Variants in TAF3 observed in about 807,000 individuals in gnomAD.
TAF3 encodes TATA-box binding protein associated factor 3, also known as transcription initiation factor TFIID subunit 3.
In TAF3, 7 loss-of-function variants were observed where a neutral mutation model predicts 80.6. The observed-to-expected ratio is 0.09, with a 90% CI of 0.05 to 0.16. The LOEUF (loss-of-function observed/expected upper bound fraction) is 0.16. TAF3 is among the 10% of genes least tolerant of loss of function. TAF3 has a pLI of 1.00. For synonymous variants in TAF3, 444 were observed against 446.1 expected (o/e 1.00, Z 0.06); for missense variants, 921 against 1,140.2 (o/e 0.81, Z 2.77).
In TAF3 at chr10:7,994,618, G is replaced by A. The variant is rs531925319; in HGVS notation, c.2316-14460G>A. ...CCCACCTCAGCCTCCCAAAGTGCTG[G>A]GATTACAGACTGAACCACTGCGCCC... On this transcript the variant is annotated intron_variant, in intron 4 of 6. Transcript: ENST00000344293. 3.9e-5 allele frequency among the ~76,000 whole-genome samples: 6 copies of A among 151,988 alleles called. No individual in the cohort carries two copies. The East Asian group carries it at 1.2e-3, about 30-fold the overall frequency.
At position 7,965,107 on chromosome 10, in the gene TAF3, A is replaced by G; in HGVS notation, c.1597A>G (p.Met533Val). The G allele has an allele frequency of 6.2e-7, 1 of 1,613,886 alleles. No homozygotes were observed. Among genetic ancestry groups the G allele is most frequent in the Non-Finnish European group, 8.5e-7 (1 of 1,179,942 alleles). Residue 533 changes from methionine to valine, a missense_variant, in exon 3 of 7, where the codon ATG becomes GTG. Around this residue, in one of 6 missense-constraint regions of TAF3, gnomAD observed 743 missense variants for 821.0 expected, o/e 0.90. Transcript: ENST00000344293. ...KKLKKELKTKMKKKEKQRDRE... is the reference protein window; with the variant it reads ...KKLKKELKTKVKKKEKQRDRE... ...GTTGAAAAAGGAACTAAAGACTAAAATGAAAAAGAAAGAAAAGCAGAGAGA... is the reference window on the plus strand; with the variant it reads ...GTTGAAAAAGGAACTAAAGACTAAAGTGAAAAAGAAAGAAAAGCAGAGAGA...
chr10:7,920,666 G>A (rs542948797), intron 2 of TAF3, among the ~76,000 whole-genome samples: 20 of 152,128 alleles, frequency 1.3e-4, no homozygotes, highest in Non-Finnish European at 2.9e-4. Flanking sequence ...CATTTTAAAA[G>A]TCAGAATTGA....
intron 3 of TAF3, among the ~76,000 whole-genome samples, chr10:7,966,627 T>C (rs1831573984): frequency 6.6e-6 from 1 of 152,178 alleles, no homozygotes; most frequent in South Asian, 2.1e-4. Context: ...TGATGATCCT[T>C]TCCCTGCCCT....
intron 4 of TAF3, among the ~76,000 whole-genome samples, chr10:7,980,123 T>C (rs1329760245): frequency 2.6e-5 from 4 of 152,058 alleles, no homozygotes; most frequent in Non-Finnish European, 4.4e-5. Context: ...GGGGGAATAA[T>C]ACTCTTTTGA....
intron 2 of TAF3, among the ~76,000 whole-genome samples, chr10:7,859,104 T>C (rs1837116257): frequency 1.3e-5 from 2 of 151,564 alleles, no homozygotes; most frequent in Non-Finnish European, 2.9e-5. Context: ...CTACTAAAAA[T>C]ACAAAAAATT....
At position 7,964,858 on chromosome 10, in the gene TAF3, C is replaced by G; in HGVS notation, c.1348C>G (p.Pro450Ala). Residue 450 changes from proline (P) to alanine (A), a missense_variant, in exon 3 of 7, where the codon CCT (proline) becomes GCT (alanine). Pro to Ala is a conservative substitution (Grantham distance 27, BLOSUM62 -1). Around this residue, in one of 6 missense-constraint regions of TAF3, gnomAD observed 743 missense variants for 821.0 expected, o/e 0.90. Transcript: ENST00000344293. This position sits in a 1 kb window ranked among gnomAD's most constrained non-coding sequence, Gnocchi z 4.1. ...ANNFTKSGST[P>A]LPLSGGTSSS... Reference sequence around the variant, plus strand: ...CAATTTCACAAAGTCAGGATCCACTCCTCTGCCTCTTTCCGGTGGAACCTC... The same window carrying G: ...CAATTTCACAAAGTCAGGATCCACTGCTCTGCCTCTTTCCGGTGGAACCTC... 6.2e-7 allele frequency: 1 copy of G among 1,614,202 alleles called. No homozygotes were observed. Among genetic ancestry groups the G allele is most frequent in the East Asian group, 2.2e-5 (1 of 44,890 alleles).
intron 2 of TAF3, among the ~76,000 whole-genome samples, chr10:7,929,830 A>C (rs958592513): frequency 6.6e-6 from 1 of 152,176 alleles, no homozygotes; most frequent in African/African-American, 2.4e-5. Flanking sequence ...GGAAAAAAAA[A>C]ATGTCCAGGC....
rs1415642450 is a variant in TAF3 at position 7,840,399 on chromosome 10, G to A, written c.409+15839G>A. Among the ~76,000 whole-genome samples the A allele has an allele frequency of 6.6e-5, 10 of 151,758 alleles. No homozygotes were observed. The South Asian group carries it at 1.0e-3, about 16-fold the overall frequency. On this transcript the variant is annotated intron_variant, in intron 2 of 6. Coordinates refer to ENST00000344293, the MANE Select transcript of TAF3 (RefSeq NM_031923.4). ...GATCTCCTGACCTTGTGATCCGCCC[G>A]CCTCGGCCTCCCAAAGTGCTGGGAT...
chr10:8,006,034 T>A (rs983983311), intron 4 of TAF3, among the ~76,000 whole-genome samples: 27 of 152,250 alleles, frequency 1.8e-4, no homozygotes, highest in African/African-American at 6.3e-4. Context: ...GTGGTCATTA[T>A]GAAAAACAAA....
At chr10:7,917,142 C>T (rs1165269069) in intron 2 of TAF3, among the ~76,000 whole-genome samples, 1 of 152,156 alleles carries the variant, frequency 6.6e-6, no homozygotes, top group Non-Finnish European at 1.5e-5. Flanking sequence ...GTAGTGCCAC[C>T]CACATTTTAG....
intron 4 of TAF3, among the ~76,000 whole-genome samples, chr10:7,994,992 A>G (rs999207269): frequency 2.0e-5 from 3 of 151,186 alleles, no homozygotes; most frequent in African/African-American, 4.8e-5. Context: ...AAAAAAAAAA[A>G]AAAGAAAAAA....
chr10:7,914,897 CACCTCAT>C (rs1837693869), intron 2 of TAF3, among the ~76,000 whole-genome samples: 1 of 149,550 alleles, frequency 6.7e-6, no homozygotes, highest in South Asian at 2.1e-4. Flanking sequence ...GTGCCTGCCA[CACCTCAT>C]GCCCCTGAAA....
intron 2 of TAF3, among the ~76,000 whole-genome samples, chr10:7,934,459 A>T (rs914607): frequency 0.9 from 136,363 of 152,118 alleles, 61,252 homozygotes; most frequent in East Asian, 0.99. Context: ...TTATTTATTT[A>T]TTTGAGACAG....
intron 2 of TAF3, among the ~76,000 whole-genome samples, chr10:7,851,955 CTTAATT>C (rs2131126335): frequency 6.7e-6 from 1 of 148,602 alleles, no homozygotes; most frequent in African/African-American, 2.5e-5. Context: ...TTTTTTTTTT[CTTAATT>C]TTAGTAGAGA....
intron 2 of TAF3, among the ~76,000 whole-genome samples, chr10:7,842,768 C>T (rs1483451591): frequency 1.3e-5 from 2 of 152,072 alleles, no homozygotes; most frequent in Non-Finnish European, 2.9e-5. Context: ...GAATAGTAAC[C>T]TCCATTGGAT....
At chr10:7,921,653 T>C (rs1837763750) in intron 2 of TAF3, among the ~76,000 whole-genome samples, 1 of 152,170 alleles carries the variant, frequency 6.6e-6, no homozygotes, top group Admixed American at 6.5e-5. Flanking sequence ...TTACTGTGGG[T>C]CACCACCAAA....
chr10:7,873,541 C>T (rs928058786), intron 2 of TAF3, among the ~76,000 whole-genome samples: 25 of 150,538 alleles, frequency 1.7e-4, no homozygotes, highest in Admixed American at 1.7e-3. Flanking sequence ...TTTAGTAGAA[C>T]TGGAACAAAA....
At chr10:7,837,879 G>A (rs373006983) in intron 2 of TAF3, among the ~76,000 whole-genome samples, 16 of 152,302 alleles carry the variant, frequency 1.1e-4, no homozygotes, top group South Asian at 6.2e-4. Flanking sequence ...TTCTTACAAC[G>A]TAGATTACTT....
intron 3 of TAF3, among the ~76,000 whole-genome samples, chr10:7,976,298 G>A (rs1831672106): frequency 1.3e-5 from 2 of 150,578 alleles, no homozygotes; most frequent in Non-Finnish European, 3.0e-5. Context: ...CCAGGGTGGA[G>A]TGCAGTGGCA....
Sources: gnomAD v4.1 joint callset for allele counts (sites outside exome capture counted in the v4.1 genomes callset) on GRCh38, gnomAD v4.1.1 for gene constraint, gnomAD v4.1.1 regional missense constraint, Gnocchi (gnomAD v3.1) non-coding constraint, MANE v1.5 for transcripts, NCBI Gene and HGNC (gene_info 2026-07-23, HGNC 2026-07-21) for gene names.